ST8SIA5: variants seen among roughly 807,000 people sequenced by gnomAD.
The protein encoded by ST8SIA5 is alpha-2,8-sialyltransferase 8E.
A neutral mutation model predicts 40.2 loss-of-function variants in ST8SIA5; 24 were observed. The observed-to-expected ratio is 0.60, with a 90% CI of 0.43 to 0.84. The LOEUF is 0.84. Ranked by LOEUF, ST8SIA5 falls within the 40% of genes least tolerant of loss-of-function variation. ST8SIA5 has a pLI of 0.00. For missense variants in ST8SIA5, 465 were observed against 498.5 expected (o/e 0.93, Z 0.64); for synonymous variants, 198 against 201.8 (o/e 0.98, Z 0.16).
chr18:46,677,329 T>TGGGTGCCGTTCCCTCCATG lies in ST8SIA5; in HGVS notation c.*2712_*2713insCATGGAGGGAACGGCACCC, dbSNP rs1282626496. The TGGGTGCCGTTCCCTCCATG allele has an allele frequency of 6.6e-6, 1 of 151,864 alleles. No homozygotes were observed. Among genetic ancestry groups the TGGGTGCCGTTCCCTCCATG allele is most frequent in the Non-Finnish European group, 1.5e-5 (1 of 68,140 alleles). 9.4% of individuals were successfully genotyped at this position (151,864 alleles called of 1,614,324 possible). On this transcript the variant is annotated 3_prime_UTR_variant, in exon 7 of 7. Transcript: ENST00000315087. ...CTCCATTGGGTGCCGTTCCCTCCAT[T>TGGGTGCCGTTCCCTCCATG]GGGTGCCTGACCAAGGGCAAGTCCT...
At chr18:46,753,548 G>C (rs2040214323) in intron 1 of ST8SIA5, among the ~76,000 whole-genome samples, 1 of 151,350 alleles carries the variant, frequency 6.6e-6, no homozygotes, top group East Asian at 1.9e-4. Flanking sequence ...ACTCCAGCCT[G>C]GGTGACACAG....
chr18:46,692,369 GC>G, intron 2 of ST8SIA5, 114 bp from the exon 3 acceptor site: 1 of 884,304 alleles, frequency 1.1e-6, no homozygotes, highest in Non-Finnish European at 1.8e-6. Flanking sequence ...CCTGGGGCTG[GC>G]CCTTGGCATT....
At position 46,711,729 on chromosome 18, in the gene ST8SIA5, AC is replaced by A. The variant is rs1178602426; in HGVS notation, c.132-7066del. 2.3e-3 allele frequency among the ~76,000 whole-genome samples: 343 copies of A among 152,342 alleles called. 3 individuals are homozygous for A. Among genetic ancestry groups the A allele is most frequent in the African/African-American group, 7.7e-3 (322 of 41,574 alleles). ...CCAGATAGGTAGGAGAGAGGCAAGA[AC>A]AGCTCAGCTGTTAACAACTGCGGGT... On this transcript the variant is annotated intron_variant, in intron 1 of 6. Coordinates refer to ENST00000315087, the MANE Select transcript of ST8SIA5 (RefSeq NM_013305.6).
At position 46,679,902 on chromosome 18, in the gene ST8SIA5, C is replaced by A. The variant is rs776699366; in HGVS notation, c.*140G>T. 5.2e-5 allele frequency: 44 copies of A among 850,544 alleles called. No homozygotes were observed. Among genetic ancestry groups the A allele is most frequent in the Non-Finnish European group, 6.9e-5 (39 of 564,554 alleles). The allele number at this position is 850,544 out of a possible 1,614,324, so 52.7% of individuals were successfully genotyped here. A position where few individuals can be genotyped will look rare whatever the true frequency, so the allele number is the denominator to read the frequency against. On this transcript the variant is annotated 3_prime_UTR_variant, in exon 7 of 7. Coordinates refer to ENST00000315087, the MANE Select transcript of ST8SIA5 (RefSeq NM_013305.6). ...TAACCCTGCCTCCCTACCCCAGGATCCAAGTACAGAGCTGAACAATGGAGG... is the reference window on the plus strand; with the variant it reads ...TAACCCTGCCTCCCTACCCCAGGATACAAGTACAGAGCTGAACAATGGAGG...
chr18:46,745,490 G>A (rs535443330), intron 1 of ST8SIA5, among the ~76,000 whole-genome samples: 103 of 152,154 alleles, frequency 6.8e-4, no homozygotes, highest in Non-Finnish European at 1.2e-3. Flanking sequence ...ATTCCTGGAC[G>A]CATACACCCT....
intron 1 of ST8SIA5, among the ~76,000 whole-genome samples, chr18:46,718,030 T>C (rs2039810018): frequency 1.3e-5 from 2 of 152,202 alleles, no homozygotes; most frequent in Non-Finnish European, 2.9e-5. Context: ...AAATATTTGC[T>C]GATTGAAAAT....
intron 1 of ST8SIA5, among the ~76,000 whole-genome samples, chr18:46,735,150 A>C (rs1014031257): frequency 6.6e-6 from 1 of 152,242 alleles, no homozygotes; most frequent in African/African-American, 2.4e-5. Context: ...TCTTGGACTT[A>C]ACACCAGTGT....
chr18:46,748,055 A>C (rs910557925), intron 1 of ST8SIA5, among the ~76,000 whole-genome samples: 1 of 150,778 alleles, frequency 6.6e-6, no homozygotes, highest in African/African-American at 2.4e-5. Flanking sequence ...GGAACATCAC[A>C]CACCGGGGCC....
intron 1 of ST8SIA5, among the ~76,000 whole-genome samples, chr18:46,710,385 TTC>T (rs1311398444): frequency 7.4e-6 from 1 of 135,490 alleles, no homozygotes; most frequent in South Asian, 2.5e-4. Flanking sequence ...CTTTCTTTCT[TTC>T]TTTCTTTCTT....
rs370100333 is a variant in ST8SIA5, at chr18:46,718,065, A to G, written c.132-13401T>C. On this transcript the variant is annotated intron_variant, in intron 1 of 6. Transcript: ENST00000315087. ...TTATTCCGGCTGGGTGCTGTGGCTC[A>G]CGCCTGTAATCCCAGCACCTTGGGA... Among the ~76,000 whole-genome samples, 382 of 152,300 alleles carry G rather than the reference A, an allele frequency of 2.5e-3. 1 individual carries two copies. The highest frequency in any genetic ancestry group is 9.0e-3 in the African/African-American group (372 of 41,552).
intron 2 of ST8SIA5, among the ~76,000 whole-genome samples, chr18:46,697,714 TA>T (rs1181032902): frequency 3.3e-5 from 5 of 151,732 alleles, no homozygotes; most frequent in Admixed American, 3.3e-4. Context: ...TCAACAACAA[TA>T]AAAAGATATG....
chr18:46,697,312 A>C (rs531960773), intron 2 of ST8SIA5, among the ~76,000 whole-genome samples: 5 of 152,248 alleles, frequency 3.3e-5, no homozygotes, highest in African/African-American at 1.2e-4. Flanking sequence ...ATAACCCATC[A>C]GATAAAATGA....
intron 1 of ST8SIA5, among the ~76,000 whole-genome samples, chr18:46,752,412 A>G (rs2040203940): frequency 6.6e-6 from 1 of 152,156 alleles, no homozygotes; most frequent in African/African-American, 2.4e-5. Flanking sequence ...TGTTCAATCA[A>G]TCAAAACAGA....
intron 1 of ST8SIA5, chr18:46,731,676 C>T (rs2039986102): frequency 6.6e-6 from 1 of 152,346 alleles, no homozygotes; most frequent in Admixed American, 6.5e-5. Flanking sequence ...AACAGACGCC[C>T]TTACCTTCCT....
chr18:46,672,916 T>C lies in ST8SIA5; in HGVS notation c.*7126A>G, dbSNP rs2039317671. On this transcript the variant is annotated 3_prime_UTR_variant, in exon 7 of 7. Transcript: ENST00000315087. ...ATGTCATTTGAGAGCTGCTTGCACCTAAGTGATTCTAAAAAGTCTCTGGTA... is the reference window on the plus strand; with the variant it reads ...ATGTCATTTGAGAGCTGCTTGCACCCAAGTGATTCTAAAAAGTCTCTGGTA... 1 of 152,262 alleles carries C rather than the reference T, an allele frequency of 6.6e-6. No individual in the cohort carries two copies. Among genetic ancestry groups the C allele is most frequent in the Admixed American group, 6.5e-5 (1 of 15,284 alleles). The allele number at this position is 152,262 out of a possible 1,614,324, so 9.4% of individuals were successfully genotyped here. A position where few individuals can be genotyped will look rare whatever the true frequency, so the allele number is the denominator to read the frequency against.
Position 46,674,676 on chromosome 18 carries a change from GC to G in ST8SIA5, c.*5365del. ...CAAACCTTCTATCAAGGACACACGG[GC>G]CCTTATGCTGTGTGCTGTGAGGATG... On this transcript the variant is annotated 3_prime_UTR_variant, in exon 7 of 7. Transcript: ENST00000315087. The G allele has an allele frequency of 6.6e-6, 1 of 152,386 alleles. No individual in the cohort carries two copies. Among genetic ancestry groups the G allele is most frequent in the South Asian group, 2.1e-4 (1 of 4,828 alleles). 9.4% of individuals were successfully genotyped at this position (152,386 alleles called of 1,614,324 possible). A position where few individuals can be genotyped will look rare whatever the true frequency, so the allele number is the denominator to read the frequency against.
chr18:46,744,743 C>T (rs1029158475), intron 1 of ST8SIA5, among the ~76,000 whole-genome samples: 1 of 152,196 alleles, frequency 6.6e-6, no homozygotes, highest in Admixed American at 6.5e-5. Flanking sequence ...ACTCTCCACC[C>T]TAAATCAACA....
At chr18:46,750,939 A>AT (rs952665324) in intron 1 of ST8SIA5, among the ~76,000 whole-genome samples, 23 of 152,168 alleles carry the variant, frequency 1.5e-4, no homozygotes, top group African/African-American at 2.9e-4. Context: ...TTGCTCTCAG[A>AT]TTTTTTTAAT....
Position 46,677,630 on chromosome 18 carries a change from C to G in ST8SIA5, c.*2412G>C, listed in dbSNP as rs1043466351. ...GACATTGAGGGAGAGGAAGGACTGGCCCTAAGACCCACAGGCAGGAATATG... is the reference window on the plus strand; with the variant it reads ...GACATTGAGGGAGAGGAAGGACTGGGCCTAAGACCCACAGGCAGGAATATG... On this transcript the variant is annotated 3_prime_UTR_variant, in exon 7 of 7. Coordinates refer to ENST00000315087, the MANE Select transcript of ST8SIA5 (RefSeq NM_013305.6). 6.6e-6 allele frequency: 1 copy of G among 152,180 alleles called. No homozygotes were observed. The highest frequency in any genetic ancestry group is 1.5e-5 in the Non-Finnish European group (1 of 68,038). 9.4% of individuals were successfully genotyped at this position (152,180 alleles called of 1,614,324 possible).
Sources: allele counts gnomAD v4.1 joint callset (sites outside exome capture counted in the v4.1 genomes callset), GRCh38; gene constraint gnomAD v4.1.1; transcripts MANE v1.5; gene names NCBI Gene and HGNC (gene_info 2026-07-23, HGNC 2026-07-21).